Variants in GLUL observed in about 807,000 individuals in gnomAD.
The protein encoded by GLUL is glutamate-ammonia ligase.
Under a neutral mutation model 36.9 loss-of-function variants are expected in GLUL, and 8 were observed. The ratio of observed to expected loss-of-function variants is 0.22; its 90% CI spans 0.13 to 0.39. The LOEUF (loss-of-function observed/expected upper bound fraction) is 0.39. GLUL is among the 10% of genes least tolerant of loss of function. The probability of loss-of-function intolerance (pLI) is 1.00; values close to 1 mark genes in which losing one functional copy is unlikely to be tolerated. For synonymous variants in GLUL, 182 were observed against 172.8 expected, an observed-to-expected ratio of 1.05 and a Z score of -0.42; for missense variants, 315 against 501.8, an observed-to-expected ratio of 0.63 and a Z score of 3.56.
chr1:182,386,287 A>G lies in GLUL; in HGVS notation c.444T>C (p.Gly148=). ...GCCCTGGGAAGCCGTTGGAAGGCCA[A>G]CCAAAGGGGTGCCCATCTGTCCCCA... ...TLMGTDGHPF[G]WPSNGFPGPQ... is the part of the protein sequence containing the mutation. The change falls in exon 4 of 7, where the codon GGT becomes GGC. Residue 148 remains glycine, a synonymous_variant. Coordinates refer to ENST00000331872, the MANE Select transcript of GLUL (RefSeq NM_001033044.4). The G allele has an allele frequency of 1.2e-6, 2 of 1,613,708 alleles. No homozygotes were observed. The highest frequency in any genetic ancestry group is 8.5e-7 in the Non-Finnish European group (1 of 1,179,686).
At chr1:182,389,570 A>C (rs1199930257) in intron 1 of GLUL, 1 of 152,186 alleles carries the variant, frequency 6.6e-6, no homozygotes, top group Non-Finnish European at 1.5e-5. Flanking sequence ...GTAATTAGGA[A>C]ATTTCCACTT....
At chr1:182,390,533 C>T (rs1253357495) in intron 1 of GLUL, 2 of 399,026 alleles carry the variant, frequency 5.0e-6, no homozygotes, top group Admixed American at 4.4e-5. Context: ...GTTAGGGTTG[C>T]CCTCTTTAAC....
Position 182,380,890 on chromosome 1 carries a change from T to G in GLUL, c.*3515A>C, listed in dbSNP as rs1571399736. 6.6e-6 allele frequency among the ~76,000 whole-genome samples: 1 copy of G among 152,256 alleles called. No individual in the cohort carries two copies. Reference sequence around the variant, plus strand: ...CACTTAGTGGTAAAAGGGCCAAGAATAGTTCAGGAACTTCTCATCCACTTG... The same window carrying G: ...CACTTAGTGGTAAAAGGGCCAAGAAGAGTTCAGGAACTTCTCATCCACTTG... On this transcript the variant is annotated 3_prime_UTR_variant, in exon 7 of 7. Transcript: ENST00000331872.
chr1:182,384,831 G>GT, intron 6 of GLUL, 108 bp from the exon 7 acceptor site: 1 of 815,436 alleles, frequency 1.2e-6, no homozygotes, highest in East Asian at 2.5e-5. Context: ...CATGAGGGCA[G>GT]TGGCTGCATC....
Position 182,384,310 on chromosome 1 carries a change from C to T in GLUL, c.*95G>A. The T allele has an allele frequency of 1.1e-6, 1 of 872,706 alleles. No homozygotes were observed. Among genetic ancestry groups the T allele is most frequent in the Admixed American group, 2.0e-5 (1 of 50,828 alleles). The allele number at this position is 872,706 out of a possible 1,614,324, so 54.1% of individuals were successfully genotyped here. The stretch of plus-strand genomic sequence containing the variant: ...TGAAAAAAACGACCTTGATATTCCA[C>T]CCTTTGAGTTACAATCGGGACAACT... On this transcript the variant is annotated 3_prime_UTR_variant, in exon 7 of 7. Transcript: ENST00000331872.
chr1:182,386,073 C>T (rs1445726055), intron 4 of GLUL, 183 bp downstream of exon 4: 4 of 859,112 alleles, frequency 4.7e-6, no homozygotes, highest in Middle Eastern at 2.7e-4. Flanking sequence ...GCCAAACGTT[C>T]CCCCTAAAAC....
intron 3 of GLUL, 29 bp downstream of exon 3, chr1:182,387,101 AG>A (rs1326478933): frequency 6.4e-7 from 1 of 1,562,268 alleles, no homozygotes; most frequent in Non-Finnish European, 8.8e-7. Flanking sequence ...CAGATTGAGG[AG>A]GGGTATCCAT....
In GLUL at chr1:182,381,663, T is replaced by C. The variant is rs1337452754; in HGVS notation, c.*2742A>G. The C allele has an allele frequency of 6.6e-6, 1 of 152,198 alleles. No individual in the cohort carries two copies. The highest frequency in any genetic ancestry group is 1.5e-5 in the Non-Finnish European group (1 of 68,046). 9.4% of individuals were successfully genotyped at this position (152,198 alleles called of 1,614,324 possible). On this transcript the variant is annotated 3_prime_UTR_variant, in exon 7 of 7. Transcript: ENST00000331872. The stretch of plus-strand genomic sequence containing the variant: ...TTAAAATTCCTTCTCATGCAATCAT[T>C]TTGTCATGGAATTGATTACAATGAA...
At chr1:182,385,708 C>G (rs1193664765) in intron 5 of GLUL, 52 bp downstream of exon 5, 1 of 1,608,624 alleles carries the variant, frequency 6.2e-7, no homozygotes, top group African/African-American at 1.3e-5. Context: ...TAGCAAAAGT[C>G]CTATGTACAC....
rs1388515813 is a variant in GLUL, at chr1:182,383,316, T to C, written c.*1089A>G. Reference sequence around the variant, plus strand: ...ATTTTGCTTTTTAAAAAATTTAATATCAAAAGGCCTGCTTTAGTGACATGC... The same window carrying C: ...ATTTTGCTTTTTAAAAAATTTAATACCAAAAGGCCTGCTTTAGTGACATGC... On this transcript the variant is annotated 3_prime_UTR_variant, in exon 7 of 7. Coordinates refer to ENST00000331872, the MANE Select transcript of GLUL (RefSeq NM_001033044.4). 6.6e-6 allele frequency: 1 copy of C among 152,174 alleles called. No homozygotes were observed. The highest frequency in any genetic ancestry group is 1.5e-5 in the Non-Finnish European group (1 of 68,032). 9.4% of individuals were successfully genotyped at this position (152,174 alleles called of 1,614,324 possible).
chr1:182,384,994 G>T (rs1221292400), intron 6 of GLUL: 4 of 438,510 alleles, frequency 9.1e-6, no homozygotes, highest in Non-Finnish European at 1.6e-5. Context: ...AGTTCTAAAA[G>T]ATTTTCAAAT....
In GLUL at chr1:182,386,276, T is replaced by C. The variant is rs897841830; in HGVS notation, c.455A>G (p.Asn152Ser). Residue 152 changes from asparagine to serine, a missense_variant, in exon 4 of 7, where the codon AAC (asparagine) becomes AGC (serine). Physicochemically the swap from Asn to Ser is conservative, Grantham distance 46 (BLOSUM62 1). Around this residue, in one of 3 missense-constraint regions of GLUL, gnomAD observed 256 missense variants for 396.1 expected, o/e 0.65. Coordinates refer to ENST00000331872, the MANE Select transcript of GLUL (RefSeq NM_001033044.4). ...TDGHPFGWPS[N>S]GFPGPQGPYY... Reference sequence around the variant, plus strand: ...CTTACCCTGGGGCCCTGGGAAGCCGTTGGAAGGCCAACCAAAGGGGTGCCC... The same window carrying C: ...CTTACCCTGGGGCCCTGGGAAGCCGCTGGAAGGCCAACCAAAGGGGTGCCC... The C allele has an allele frequency of 1.2e-6, 2 of 1,613,656 alleles. No individual in the cohort carries two copies. The highest frequency in any genetic ancestry group is 8.5e-7 in the Non-Finnish European group (1 of 1,179,784).
At position 182,380,696 on chromosome 1, in the gene GLUL, A is replaced by C. The variant is rs1027510552; in HGVS notation, c.*3709T>G. ...CAAAGACCTCATAGAGTTAAAGCTCACAAAACTGATACTTAAAAATAACTT... is the reference window on the plus strand; with the variant it reads ...CAAAGACCTCATAGAGTTAAAGCTCCCAAAACTGATACTTAAAAATAACTT... On this transcript the variant is annotated 3_prime_UTR_variant, in exon 7 of 7. Coordinates refer to ENST00000331872, the MANE Select transcript of GLUL (RefSeq NM_001033044.4). Among the ~76,000 whole-genome samples, 8 of 152,262 alleles carry C rather than the reference A, an allele frequency of 5.3e-5. No homozygotes were observed. The highest frequency in any genetic ancestry group is 8.8e-5 in the Non-Finnish European group (6 of 68,048).
chr1:182,385,838 G>T lies in GLUL; in HGVS notation c.525C>A (p.Ile175=). Residue 175 remains isoleucine (I), a synonymous_variant, in exon 5 of 7, where the codon ATC becomes ATA. Transcript: ENST00000331872. The part of the protein sequence containing the change: ...VGADRAYGRD[I]VEAHYRACLY... The stretch of plus-strand genomic sequence containing the variant: ...AGCAGGCCCGGTAATGGGCCTCCAC[G>T]ATGTCCCTGCCATAGGCTCTGTCTG... 6.2e-7 allele frequency: 1 copy of T among 1,613,626 alleles called. No individual in the cohort carries two copies. The highest frequency in any genetic ancestry group is 8.5e-7 in the Non-Finnish European group (1 of 1,179,532).
intron 1 of GLUL, chr1:182,390,600 C>G (rs1571412348): frequency 2.5e-6 from 1 of 399,262 alleles, no homozygotes; most frequent in Non-Finnish European, 4.4e-6. Context: ...TCTAGCTGGT[C>G]CAAGCACCGG....
rs922358055 is a variant in GLUL at position 182,381,378 on chromosome 1, T to C, written c.*3027A>G. Among the ~76,000 whole-genome samples, 46 of 152,324 alleles carry C rather than the reference T, an allele frequency of 3.0e-4. No individual in the cohort carries two copies. The highest frequency in any genetic ancestry group is 9.6e-4 in the African/African-American group (40 of 41,574). ...CCTGGCAAGATGATATTAGGGGAAC[T>C]CATATTTAAGGAGTTCATGGAGACC... On this transcript the variant is annotated 3_prime_UTR_variant, in exon 7 of 7. Transcript: ENST00000331872.
At chr1:182,385,913 T>G (rs1324414311) in intron 4 of GLUL, 26 bp from the exon 5 acceptor site, 9 of 1,609,556 alleles carry the variant, frequency 5.6e-6, no homozygotes, top group African/African-American at 4.0e-5. Context: ...GACAAAACAC[T>G]AAGAGTCAAG....
intron 2 of GLUL, 112 bp from the exon 3 acceptor site, chr1:182,387,404 G>T: frequency 1.2e-6 from 1 of 823,038 alleles, no homozygotes; most frequent in Non-Finnish European, 2.1e-6. Flanking sequence ...TCTTTTCCAG[G>T]AATTCATTAA....
intron 3 of GLUL, 152 bp from the exon 4 acceptor site, chr1:182,386,554 G>A (rs763704733): frequency 2.9e-5 from 21 of 732,410 alleles, no homozygotes; most frequent in Admixed American, 5.9e-5. Context: ...TGGGATCACC[G>A]AGTCAGAAAA....
Sources: gnomAD v4.1 joint callset for allele counts (sites outside exome capture counted in the v4.1 genomes callset) on GRCh38, gnomAD v4.1.1 for gene constraint, gnomAD v4.1.1 regional missense constraint, MANE v1.5 for transcripts, NCBI Gene and HGNC (gene_info 2026-07-23, HGNC 2026-07-21) for gene names.